The following SNCAIP variants were observed in gnomAD, a reference collection of about 807,000 sequenced individuals.
SNCAIP encodes synuclein alpha interacting protein.
SNCAIP carries 43 observed loss-of-function variants against 86.7 expected under a neutral mutation model. The observed-to-expected ratio is 0.50, with a 90% CI of 0.39 to 0.64. SNCAIP has a LOEUF of 0.64. SNCAIP is among the 30% of genes least tolerant of loss of function. SNCAIP has a pLI of 0.00. For missense variants in SNCAIP, 981 were observed against 1,103.1 expected (o/e 0.89, Z 1.57); for synonymous variants, 417 against 427.2 (o/e 0.98, Z 0.29).
intron 1 of SNCAIP, among the ~76,000 whole-genome samples, chr5:122,339,993 T>TA (rs1251309457): frequency 3.9e-5 from 6 of 152,122 alleles, no homozygotes; most frequent in South Asian, 2.1e-4. Flanking sequence ...ATATAATCTA[T>TA]AAAAAAATGG....
At chr5:122,394,841 CTAAG>C (rs1270651417) in intron 2 of SNCAIP, among the ~76,000 whole-genome samples, 4 of 152,298 alleles carry the variant, frequency 2.6e-5, no homozygotes, top group Middle Eastern at 6.8e-3. Context: ...AACTCTTTAA[CTAAG>C]TTATCTTGTT....
Position 122,391,122 on chromosome 5 carries a change from G to A in SNCAIP, c.-13G>A, listed in dbSNP as rs762576870. The A allele has an allele frequency of 1.2e-6, 2 of 1,607,178 alleles. No individual in the cohort carries two copies. The highest frequency in any genetic ancestry group is 1.3e-5 in the African/African-American group (1 of 74,912). ...AAGTATTTGACCGTACTCAAAATGT[G>A]CAAGGAAGAATAATGGAAGCCCCTG... On this transcript the variant is annotated 5_prime_UTR_variant, in exon 2 of 11. Transcript: ENST00000261368.
intron 1 of SNCAIP, among the ~76,000 whole-genome samples, chr5:122,338,851 G>A (rs10035421): frequency 0.021 from 3,152 of 152,262 alleles, 103 homozygotes; most frequent in African/African-American, 0.072. Context: ...TGTAGAGGGA[G>A]TATAGGGCTG....
chr5:122,330,117 C>CCTTTTTTT (rs1415466705), intron 1 of SNCAIP, among the ~76,000 whole-genome samples: 40 of 96,826 alleles, frequency 4.1e-4, no homozygotes, highest in African/African-American at 1.6e-3. Flanking sequence ...AACTTCATTT[C>CCTTTTTTT]TTTTTTTTTT....
chr5:122,455,107 C>T (rs1370787008), intron 10 of SNCAIP, among the ~76,000 whole-genome samples: 1 of 152,180 alleles, frequency 6.6e-6, no homozygotes, highest in Non-Finnish European at 1.5e-5. Context: ...AGCATCTTGA[C>T]CCCTTCTCCT....
rs186013168 is a variant in SNCAIP, at chr5:122,326,516, A to G, written c.-47+14232A>G. Among the ~76,000 whole-genome samples, 97 of 151,916 alleles carry G rather than the reference A, an allele frequency of 6.4e-4. 1 individual carries two copies. The highest frequency in any genetic ancestry group is 3.4e-3 in the Middle Eastern group (1 of 294). On this transcript the variant is annotated intron_variant, in intron 1 of 10. Transcript: ENST00000261368. ...ATTTGTCATAGTTATTGAAATTTCAAACCTCATGAGTGTATCTTTCACTGC... is the reference window on the plus strand; with the variant it reads ...ATTTGTCATAGTTATTGAAATTTCAGACCTCATGAGTGTATCTTTCACTGC...
upstream of SNCAIP, chr5:122,311,830 G>C (rs1735475854): frequency 6.5e-6 from 1 of 152,710 alleles, no homozygotes; most frequent in Non-Finnish European, 1.5e-5. Context: ...GCAGGCCGGG[G>C]GATCCCTGGT....
At chr5:122,335,382 A>AT (rs997111761) in intron 1 of SNCAIP, among the ~76,000 whole-genome samples, 58 of 152,126 alleles carry the variant, frequency 3.8e-4, no homozygotes, top group Non-Finnish European at 4.4e-5. Flanking sequence ...AACTGCTTTT[A>AT]TTTTTTCTCA....
intron 6 of SNCAIP, among the ~76,000 whole-genome samples, chr5:122,432,958 G>A (rs1336682891): frequency 1.3e-5 from 2 of 152,058 alleles, no homozygotes; most frequent in Non-Finnish European, 2.9e-5. Context: ...AACTTTCCTA[G>A]TAGAAGTAAA....
intron 6 of SNCAIP, among the ~76,000 whole-genome samples, chr5:122,437,977 G>A (rs1779912615): frequency 1.3e-5 from 2 of 152,190 alleles, no homozygotes; most frequent in Middle Eastern, 3.4e-3. Flanking sequence ...TTAATAAAGG[G>A]CATTTTTTTG....
intron 1 of SNCAIP, among the ~76,000 whole-genome samples, chr5:122,354,250 G>A (rs1760546786): frequency 6.6e-6 from 1 of 152,192 alleles, no homozygotes; most frequent in African/African-American, 2.4e-5. Context: ...TTAAGGCACA[G>A]ACTGGACTTG....
At chr5:122,452,784 T>G in intron 10 of SNCAIP, 1 of 579,710 alleles carries the variant, frequency 1.7e-6, no homozygotes, top group Non-Finnish European at 3.2e-6. Flanking sequence ...ATCATCTCAA[T>G]TGCCCATGCT....
chr5:122,431,397 T>G (rs764727672), intron 5 of SNCAIP, among the ~76,000 whole-genome samples: 3 of 152,132 alleles, frequency 2.0e-5, no homozygotes, highest in Non-Finnish European at 4.4e-5. Context: ...AATTCTACAA[T>G]GAAATACTTC....
At chr5:122,352,450 A>G (rs188868178) in intron 1 of SNCAIP, among the ~76,000 whole-genome samples, 12 of 152,256 alleles carry the variant, frequency 7.9e-5, no homozygotes, top group Admixed American at 5.2e-4. Context: ...CTGAAGTACA[A>G]ATGTGCTTAG....
At chr5:122,341,655 T>G (rs1042439611) in intron 1 of SNCAIP, among the ~76,000 whole-genome samples, 1 of 152,194 alleles carries the variant, frequency 6.6e-6, no homozygotes, top group African/African-American at 2.4e-5. Context: ...ACAGTATGAT[T>G]TTCCATGCCG....
intron 3 of SNCAIP, among the ~76,000 whole-genome samples, chr5:122,419,859 G>A (rs1373326712): frequency 6.6e-6 from 1 of 152,038 alleles, no homozygotes; most frequent in Non-Finnish European, 1.5e-5. Flanking sequence ...AAATAATTGC[G>A]AGTGAAAATC....
intron 1 of SNCAIP, among the ~76,000 whole-genome samples, chr5:122,343,129 A>C (rs922192311): frequency 9.9e-5 from 15 of 152,252 alleles, no homozygotes; most frequent in Admixed American, 1.3e-4. Context: ...CAATGGCACA[A>C]GTACAAACTG....
At chr5:122,453,241 T>A (rs1784077055) in intron 10 of SNCAIP, among the ~76,000 whole-genome samples, 1 of 152,196 alleles carries the variant, frequency 6.6e-6, no homozygotes, top group Non-Finnish European at 1.5e-5. Flanking sequence ...GTTCACAAAC[T>A]TTTGCTGTAT....
intron 1 of SNCAIP, among the ~76,000 whole-genome samples, chr5:122,375,099 T>C (rs1285929403): frequency 6.6e-6 from 1 of 152,160 alleles, no homozygotes; most frequent in Non-Finnish European, 1.5e-5. Flanking sequence ...GATGTGCAAA[T>C]ATTTGGTTGT....
Sources: gnomAD v4.1 joint callset for allele counts (sites outside exome capture counted in the v4.1 genomes callset) on GRCh38, gnomAD v4.1.1 for gene constraint, MANE v1.5 for transcripts, NCBI Gene and HGNC (gene_info 2026-07-23, HGNC 2026-07-21) for gene names.